Variants in PRPF4 observed in about 807,000 individuals in gnomAD.
PRPF4 encodes the protein pre-mRNA splicing tri-snRNP complex factor PRPF4.
In PRPF4, 14 loss-of-function variants were observed where a neutral mutation model predicts 72.2. That is an observed-to-expected ratio of 0.19 (90% CI 0.13 to 0.30). PRPF4 has a LOEUF of 0.30. Ranked by LOEUF, PRPF4 falls within the 10% of genes least tolerant of loss-of-function variation. PRPF4 has a pLI of 1.00. For synonymous variants in PRPF4, 225 were observed against 232.2 expected (o/e 0.97, Z 0.28); for missense variants, 478 against 653.9 (o/e 0.73, Z 2.93).
chr9:113,281,405 C>T (rs181513346), intron 3 of PRPF4, among the ~76,000 whole-genome samples: 4 of 152,284 alleles, frequency 2.6e-5, no homozygotes, highest in Admixed American at 2.6e-4. Context: ...TGAGTCACTA[C>T]TGCTACTATC....
chr9:113,277,851 T>C (rs1160821958), intron 2 of PRPF4, among the ~76,000 whole-genome samples: 2 of 152,042 alleles, frequency 1.3e-5, no homozygotes, highest in Non-Finnish European at 2.9e-5. Flanking sequence ...AAGTAGAAAA[T>C]TAGCTGGGCA....
intron 9 of PRPF4, 22 bp from the exon 10 acceptor site, chr9:113,288,153 T>C: frequency 1.9e-6 from 3 of 1,611,228 alleles, no homozygotes; most frequent in Non-Finnish European, 2.5e-6. Context: ...TAAAATTGTT[T>C]ATATGTTTGG....
chr9:113,291,907 A>T lies in PRPF4; in HGVS notation c.*247A>T. 1 of 349,704 alleles carries T rather than the reference A, an allele frequency of 2.9e-6. No homozygotes were observed. Among genetic ancestry groups the T allele is most frequent in the East Asian group, 5.2e-5 (1 of 19,074 alleles). The allele number at this position is 349,704 out of a possible 1,614,324, so 21.7% of individuals were successfully genotyped here. ...ACGCCCTGCCACGAACTGTGTAGAC[A>T]TTGTTTTTATTAATCTTTTGTTTGG... On this transcript the variant is annotated 3_prime_UTR_variant, in exon 14 of 14. Coordinates refer to ENST00000374198, the MANE Select transcript of PRPF4 (RefSeq NM_001244926.2).
chr9:113,286,334 G>A (rs1368470231), intron 8 of PRPF4, 44 bp downstream of exon 8: 2 of 1,529,710 alleles, frequency 1.3e-6, no homozygotes, highest in African/African-American at 1.4e-5. Flanking sequence ...TTCCCAGTGT[G>A]AACTCAGTTA....
At chr9:113,285,536 A>C (rs969744691) in intron 7 of PRPF4, among the ~76,000 whole-genome samples, 1 of 149,818 alleles carries the variant, frequency 6.7e-6, no homozygotes, top group South Asian at 2.2e-4. Flanking sequence ...CCGCCACCGC[A>C]CCCAGCTAAT....
chr9:113,283,454 A>G lies in PRPF4; in HGVS notation c.626A>G (p.Gln209Arg), dbSNP rs1343091877. 1.2e-6 allele frequency: 2 copies of G among 1,614,144 alleles called. No individual in the cohort carries two copies. The highest frequency in any genetic ancestry group is 1.1e-5 in the South Asian group (1 of 91,086). Residue 209 changes from glutamine (Q) to arginine (R), a missense_variant, in exon 6 of 14, where the codon CAG (glutamine) becomes CGG (arginine). Coordinates refer to ENST00000374198, the MANE Select transcript of PRPF4 (RefSeq NM_001244926.2). ...ATTCCTGAGACAACAAGGACCTCCC[A>G]GATGCAAGAGCTGCACAAGTCTCTC... Reference protein sequence around the residue: ...KEIPETTRTSQMQELHKSLRS... With the variant: ...KEIPETTRTSRMQELHKSLRS...
intron 9 of PRPF4, 121 bp from the exon 10 acceptor site, chr9:113,288,054 A>C (rs1832501345): frequency 1.2e-6 from 1 of 839,706 alleles, no homozygotes; most frequent in Non-Finnish European, 1.8e-6. Flanking sequence ...AGTAGTTTAC[A>C]AGTGTAGTTA....
rs992718015 is a variant in PRPF4, at chr9:113,292,186, C to G, written c.*526C>G. 1 of 153,082 alleles carries G rather than the reference C, an allele frequency of 6.5e-6. No individual in the cohort carries two copies. Among genetic ancestry groups the G allele is most frequent in the African/African-American group, 2.4e-5 (1 of 41,368 alleles). 9.5% of individuals were successfully genotyped at this position (153,082 alleles called of 1,614,324 possible). The stretch of plus-strand genomic sequence containing the variant: ...CCGAGATTGCGCCATTGCACTCTAG[C>G]CTGTGTGACAGAGCAAGACCCTGTC... On this transcript the variant is annotated 3_prime_UTR_variant, in exon 14 of 14. Transcript: ENST00000374198.
At position 113,291,500 on chromosome 9, in the gene PRPF4, A is replaced by G. The variant is rs1832607569; in HGVS notation, c.1406A>G (p.Tyr469Cys). The G allele has an allele frequency of 2.5e-6, 4 of 1,614,080 alleles. No homozygotes were observed. Among genetic ancestry groups the G allele is most frequent in the Non-Finnish European group, 3.4e-6 (4 of 1,179,994 alleles). The change falls in exon 14 of 14, where the codon TAT becomes TGT. Residue 469 changes from tyrosine (Y) to cysteine (C), a missense_variant. Transcript: ENST00000374198. ...GGGAACTTCTTGCTTACTGGTGCCT[A>G]TGATAACACAGCCAAGATCTGGACG... ...IHGNFLLTGA[Y>C]DNTAKIWTHP... is the part of the protein sequence containing the mutation.
intron 3 of PRPF4, among the ~76,000 whole-genome samples, chr9:113,280,558 T>C (rs777892931): frequency 1.2e-4 from 18 of 152,242 alleles, no homozygotes; most frequent in Non-Finnish European, 2.1e-4. Context: ...CAACTCCAGC[T>C]ATCTTCTTTG....
chr9:113,284,389 G>T lies in PRPF4; in HGVS notation c.749G>T (p.Trp250Leu). The T allele has an allele frequency of 6.2e-7, 1 of 1,604,514 alleles. No individual in the cohort carries two copies. Among genetic ancestry groups the T allele is most frequent in the South Asian group, 1.1e-5 (1 of 90,836 alleles). ...TCCAAGATGCTGGCCACAGCTTGTT[G>T]GTAAGTTCCATTTTACAATGACATT... is the stretch of plus-strand genomic sequence containing the variant. ...PNSKMLATAC[W>L]SGLCKLWSVP... The change falls in exon 7 of 14, where the codon TGG (tryptophan) becomes TTG (leucine). Residue 250 changes from tryptophan to leucine, a missense_variant and splice_region_variant. Coordinates refer to ENST00000374198, the MANE Select transcript of PRPF4 (RefSeq NM_001244926.2).
rs1832142825 is a variant in PRPF4 at position 113,277,404 on chromosome 9, G to A, written c.205+679G>A. The stretch of plus-strand genomic sequence containing the variant: ...AATCTTTTTGTGTGTGTGTGTGTGT[G>A]TGACAGGGTCTCACTCTCTTGCCCA... On this transcript the variant is annotated intron_variant, in intron 2 of 13. Transcript: ENST00000374198. 2.0e-5 allele frequency among the ~76,000 whole-genome samples: 3 copies of A among 151,900 alleles called. No homozygotes were observed. In the South Asian group the frequency reaches 6.3e-4, roughly 32 times the overall value.
chr9:113,284,306 T>C lies in PRPF4; in HGVS notation c.666T>C (p.Asn222=), dbSNP rs1832370929. The change falls in exon 7 of 14, where the codon AAT becomes AAC. Residue 222 remains asparagine (N), a synonymous_variant. Transcript: ENST00000374198. ...ELHKSLRSLN[N]FCSQIGDDRP... The stretch of plus-strand genomic sequence containing the variant: ...TTTTTCTTTTTAAGTCTTTGAATAA[T>C]TTTTGCAGTCAGATTGGGGATGATC... The C allele has an allele frequency of 1.2e-6, 2 of 1,609,566 alleles. No homozygotes were observed. The highest frequency in any genetic ancestry group is 1.7e-4 in the Middle Eastern group (1 of 6,058).
At chr9:113,284,992 T>C (rs1462000312) in intron 7 of PRPF4, among the ~76,000 whole-genome samples, 2 of 152,116 alleles carry the variant, frequency 1.3e-5, no homozygotes, top group East Asian at 3.8e-4. Context: ...TTAGATTGAA[T>C]ACACAGGAGC....
chr9:113,285,504 A>G (rs1048892586), intron 7 of PRPF4, among the ~76,000 whole-genome samples: 23 of 149,476 alleles, frequency 1.5e-4, no homozygotes, highest in Non-Finnish European at 3.1e-4. Context: ...TCAGCCTCCC[A>G]AGTAGCTGGG....
chr9:113,291,811 A>C lies in PRPF4; in HGVS notation c.*151A>C. 3 of 802,584 alleles carry C rather than the reference A, an allele frequency of 3.7e-6. No individual in the cohort carries two copies. The highest frequency in any genetic ancestry group is 2.0e-5 in the South Asian group (1 of 50,184). 49.7% of individuals were successfully genotyped at this position (802,584 alleles called of 1,614,324 possible). A position where few individuals can be genotyped will look rare whatever the true frequency, so the allele number is the denominator to read the frequency against. On this transcript the variant is annotated 3_prime_UTR_variant, in exon 14 of 14. Transcript: ENST00000374198. ...GAATTGGATTTCCATGTCAGCCCCCACTCCAGGAAGGCAGCCCAATCCCTA... is the reference window on the plus strand; with the variant it reads ...GAATTGGATTTCCATGTCAGCCCCCCCTCCAGGAAGGCAGCCCAATCCCTA...
At chr9:113,288,571 G>A (rs762470457) in intron 10 of PRPF4, among the ~76,000 whole-genome samples, 7 of 151,904 alleles carry the variant, frequency 4.6e-5, no homozygotes, top group Non-Finnish European at 1.0e-4. Context: ...CGAGTAGCTG[G>A]GACTACAGGC....
At chr9:113,291,205 G>A (rs1188279796) in intron 13 of PRPF4, among the ~76,000 whole-genome samples, 189 bp downstream of exon 13, 2 of 152,160 alleles carry the variant, frequency 1.3e-5, no homozygotes, top group Non-Finnish European at 2.9e-5. Flanking sequence ...CACGCTTCTC[G>A]TTGCAGGAAG....
Position 113,286,288 on chromosome 9 carries a change from G to A in PRPF4, c.806G>A (p.Arg269Gln), listed in dbSNP as rs975631250. Residue 269 changes from arginine to glutamine, a missense_variant and splice_region_variant, in exon 8 of 14, where the codon CGA becomes CAA. By Grantham distance (43) the Arg-to-Gln change is conservative (BLOSUM62 1). Coordinates refer to ENST00000374198, the MANE Select transcript of PRPF4 (RefSeq NM_001244926.2). ...VPDCNLLHTL[R>Q]GHNTNVGAIV... ...GATTGCAACCTCCTTCACACTCTTC[G>A]AGGTAAGTTAGAGTCTTATCCAAAT... 6.2e-6 allele frequency: 10 copies of A among 1,610,152 alleles called. No individual in the cohort carries two copies. The highest frequency in any genetic ancestry group is 2.7e-5 in the African/African-American group (2 of 74,810).
Sources: gnomAD v4.1 joint callset for allele counts (sites outside exome capture counted in the v4.1 genomes callset) on GRCh38, gnomAD v4.1.1 for gene constraint, MANE v1.5 for transcripts, NCBI Gene and HGNC (gene_info 2026-07-23, HGNC 2026-07-21) for gene names.